The following ENOPH1 variants were observed in gnomAD, a reference collection of about 807,000 sequenced individuals.
ENOPH1 encodes the protein enolase-phosphatase E1.
In ENOPH1, 14 loss-of-function variants were observed where a neutral mutation model predicts 31.1. The ratio of observed to expected loss-of-function variants is 0.45; its 90% confidence interval spans 0.30 to 0.70. The LOEUF (loss-of-function observed/expected upper bound fraction) is 0.70. Among genes scored for constraint, ENOPH1 ranks in the 30% least tolerant of loss-of-function variants. The probability of loss-of-function intolerance (pLI) is 0.09; values close to 1 mark genes in which losing one functional copy is unlikely to be tolerated. For missense variants in ENOPH1, 243 were observed against 321.5 expected, an observed-to-expected ratio of 0.76 and a Z score of 1.87; for synonymous variants, 127 against 123.2, an observed-to-expected ratio of 1.03 and a Z score of -0.21.
At position 82,451,142 on chromosome 4, in the gene ENOPH1, A is replaced by G; in HGVS notation, c.286A>G (p.Asn96Asp). The G allele has an allele frequency of 6.2e-7, 1 of 1,614,198 alleles. No individual in the cohort carries two copies. The change falls in exon 3 of 6, where the codon AAT (asparagine) becomes GAT (aspartate). Residue 96 changes from asparagine to aspartate, a missense_variant. Physicochemically the swap from Asn to Asp is conservative, Grantham distance 23. Coordinates refer to ENST00000273920, the MANE Select transcript of ENOPH1 (RefSeq NM_021204.5). Reference sequence around the variant, plus strand: ...ACAGATGATCCAGGCCGTGGTAGATAATGTGTGCTGGCAGATGTCCCTGGA... The same window carrying G: ...ACAGATGATCCAGGCCGTGGTAGATGATGTGTGCTGGCAGATGTCCCTGGA... ...LQQMIQAVVDNVCWQMSLDRK... is the reference protein window; with the variant it reads ...LQQMIQAVVDDVCWQMSLDRK...
chr4:82,436,502 G>A (rs764242071), intron 1 of ENOPH1, among the ~76,000 whole-genome samples: 14 of 151,850 alleles, frequency 9.2e-5, no homozygotes, highest in Non-Finnish European at 1.8e-4. Context: ...CCTGCGCAAT[G>A]TAGCATGACC....
chr4:82,450,670 C>A (rs995489215), intron 2 of ENOPH1, among the ~76,000 whole-genome samples: 2 of 152,116 alleles, frequency 1.3e-5, no homozygotes, highest in African/African-American at 4.8e-5. Flanking sequence ...ATGAGATTTT[C>A]TTTGTTTCTT....
intron 1 of ENOPH1, among the ~76,000 whole-genome samples, chr4:82,445,443 T>C (rs751754494): frequency 3.3e-5 from 5 of 152,228 alleles, no homozygotes; most frequent in Non-Finnish European, 5.9e-5. Flanking sequence ...ACATGTTGAC[T>C]GTAAATCATT....
intron 1 of ENOPH1, among the ~76,000 whole-genome samples, chr4:82,436,977 G>A (rs778938487): frequency 6.6e-5 from 10 of 152,028 alleles, no homozygotes; most frequent in Non-Finnish European, 1.2e-4. Flanking sequence ...GTATGGGCAT[G>A]GTGGCTCACC....
In ENOPH1 at chr4:82,460,069, C is replaced by T. The variant is rs771253652; in HGVS notation, c.735C>T (p.Tyr245=). 5.0e-6 allele frequency: 8 copies of T among 1,614,150 alleles called. No individual in the cohort carries two copies. Among genetic ancestry groups the T allele is most frequent in the Non-Finnish European group, 6.8e-6 (8 of 1,179,996 alleles). ...GATTAACAGATGATGAGAAGACTTA[C>T]TACAGCCTCATCACATCCTTCAGTG... is the stretch of plus-strand genomic sequence containing the variant. ...NAGLTDDEKT[Y]YSLITSFSEL... Residue 245 remains tyrosine, a synonymous_variant, in exon 6 of 6, where the codon TAC becomes TAT. Transcript: ENST00000273920.
chr4:82,445,256 G>A (rs538027201), intron 1 of ENOPH1, among the ~76,000 whole-genome samples: 1 of 152,150 alleles, frequency 6.6e-6, no homozygotes, highest in South Asian at 2.1e-4. Flanking sequence ...TTCTTATAAT[G>A]TATGATAGTA....
chr4:82,459,560 C>T (rs1409730618), intron 5 of ENOPH1, among the ~76,000 whole-genome samples: 4 of 152,088 alleles, frequency 2.6e-5, no homozygotes, highest in South Asian at 2.1e-4. Context: ...CTGGGTCCAC[C>T]GTGCCCAGCC....
intron 3 of ENOPH1, among the ~76,000 whole-genome samples, chr4:82,454,066 AAG>A: frequency 6.7e-6 from 1 of 149,364 alleles, no homozygotes. Flanking sequence ...AAAAAAAAAA[AAG>A]CTGGGGGTGG....
intron 1 of ENOPH1, among the ~76,000 whole-genome samples, chr4:82,441,503 G>A (rs573524644): frequency 5.9e-5 from 9 of 152,172 alleles, no homozygotes; most frequent in Admixed American, 4.6e-4. Context: ...GCGTGGTGGC[G>A]GGTGCCTGTA....
Position 82,458,659 on chromosome 4 carries a change from C to T in ENOPH1, c.647-1322C>T, listed in dbSNP as rs79851918. ...AAAAAGCCTGAATATGGAACGGCCA[C>T]TTGTAGTGTCAAGTCCCATGTGGAT... On this transcript the variant is annotated intron_variant, in intron 5 of 5. Coordinates refer to ENST00000273920, the MANE Select transcript of ENOPH1 (RefSeq NM_021204.5). Among the ~76,000 whole-genome samples, 10 of 152,334 alleles carry T rather than the reference C, an allele frequency of 6.6e-5. 1 individual carries two copies. In the East Asian group the frequency reaches 1.9e-3, roughly 29 times the overall value.
At chr4:82,452,832 C>T (rs1050405424) in intron 3 of ENOPH1, among the ~76,000 whole-genome samples, 10 of 152,100 alleles carry the variant, frequency 6.6e-5, no homozygotes, top group Admixed American at 3.3e-4. Context: ...GGGCAGTCCA[C>T]CTACCTTGGC....
intron 3 of ENOPH1, among the ~76,000 whole-genome samples, chr4:82,453,049 G>C (rs1028900440): frequency 4.4e-4 from 67 of 152,044 alleles, no homozygotes; most frequent in Non-Finnish European, 8.2e-4. Flanking sequence ...CTACAGGCGT[G>C]TGCCACCACG....
At chr4:82,446,533 T>C (rs928183649) in intron 1 of ENOPH1, among the ~76,000 whole-genome samples, 6 of 152,106 alleles carry the variant, frequency 3.9e-5, no homozygotes, top group Admixed American at 6.6e-5. Flanking sequence ...ATGAGAAAAC[T>C]GTGGCTCAGG....
At chr4:82,448,266 T>TTTTG (rs1722249336) in intron 2 of ENOPH1, among the ~76,000 whole-genome samples, 2 of 132,388 alleles carry the variant, frequency 1.5e-5, no homozygotes, top group African/African-American at 5.0e-5. Context: ...GTTTTGTTTT[T>TTTTG]TTTGTTTTTT....
At position 82,451,066 on chromosome 4, in the gene ENOPH1, T is replaced by C. The variant is rs1179991000; in HGVS notation, c.210T>C (p.Asp70=). The change falls in exon 3 of 6, where the codon GAT becomes GAC. Residue 70 remains aspartate, a synonymous_variant. Transcript: ENST00000273920. ...AGGCTGAAGAGGACGCCCACCTGGA[T>C]GGGGCTGTTCCTATCCCTGCAGCAT... The part of the protein sequence containing the change: ...RKQAEEDAHL[D]GAVPIPAASG... The C allele has an allele frequency of 6.2e-7, 1 of 1,614,128 alleles. No individual in the cohort carries two copies. The highest frequency in any genetic ancestry group is 1.3e-5 in the African/African-American group (1 of 75,062).
At chr4:82,453,103 G>A (rs1318958540) in intron 3 of ENOPH1, among the ~76,000 whole-genome samples, 3 of 151,810 alleles carry the variant, frequency 2.0e-5, no homozygotes, top group Non-Finnish European at 2.9e-5. Context: ...GTGTTTCACC[G>A]TGTTAGCCAG....
chr4:82,441,350 T>G (rs139914639), intron 1 of ENOPH1, among the ~76,000 whole-genome samples: 3 of 152,074 alleles, frequency 2.0e-5, no homozygotes, highest in African/African-American at 7.2e-5. Context: ...TTGTCAGGTG[T>G]GGTGGCTCAT....
intron 1 of ENOPH1, 60 bp from the exon 2 acceptor site, chr4:82,447,860 C>A: frequency 9.9e-7 from 1 of 1,011,256 alleles, no homozygotes; most frequent in Admixed American, 2.4e-5. Context: ...TGTGGAAGAA[C>A]TGGATCTTTT....
intron 1 of ENOPH1, among the ~76,000 whole-genome samples, chr4:82,435,355 C>T (rs889026420): frequency 3.3e-5 from 5 of 152,184 alleles, no homozygotes; most frequent in African/African-American, 4.8e-5. Context: ...CCTCCCATCA[C>T]GGCTTCCCAG....
Sources: gnomAD v4.1 joint callset for allele counts (sites outside exome capture counted in the v4.1 genomes callset) on GRCh38, gnomAD v4.1.1 for gene constraint, MANE v1.5 for transcripts, NCBI Gene and HGNC (gene_info 2026-07-23, HGNC 2026-07-21) for gene names.